CERKL: variants seen among roughly 807,000 people sequenced by gnomAD.
CERKL encodes ceramide kinase-like protein.
In CERKL, 61 loss-of-function variants were observed where a neutral mutation model predicts 63.4. The observed-to-expected ratio is 0.96, with a 90% CI of 0.78 to 1.19. CERKL has a LOEUF of 1.19. Ranked by LOEUF, CERKL falls within the 50% of genes most tolerant of loss-of-function variation. The pLI is 0.00. For missense variants in CERKL, 675 were observed against 655.5 expected (o/e 1.03, Z -0.33); for synonymous variants, 250 against 230.5 (o/e 1.08, Z -0.77).
At chr2:181,562,558 T>C (rs1208959784) in intron 4 of CERKL, among the ~76,000 whole-genome samples, 4 of 152,214 alleles carry the variant, frequency 2.6e-5, no homozygotes, top group Non-Finnish European at 1.5e-5. Flanking sequence ...TCATTTATAG[T>C]GAGTTAATCA....
intron 1 of CERKL, among the ~76,000 whole-genome samples, chr2:181,610,066 A>G (rs1226924050): frequency 1.3e-5 from 2 of 152,194 alleles, no homozygotes; most frequent in African/African-American, 4.8e-5. Context: ...AAAGACCTCA[A>G]AAGTCCTAAA....
chr2:181,633,533 AAG>A (rs1687055051), intron 1 of CERKL, among the ~76,000 whole-genome samples: 1 of 152,200 alleles, frequency 6.6e-6, no homozygotes, highest in Non-Finnish European at 1.5e-5. Context: ...TAAATTTGGA[AAG>A]GTAGTTTTGT....
intron 1 of CERKL, among the ~76,000 whole-genome samples, chr2:181,629,126 T>G (rs1354586497): frequency 6.6e-6 from 1 of 152,212 alleles, no homozygotes; most frequent in Non-Finnish European, 1.5e-5. Context: ...TTCAATATGA[T>G]TCAATAATCC....
At chr2:181,606,102 CAGAA>C (rs1685666733) in intron 1 of CERKL, among the ~76,000 whole-genome samples, 1 of 143,692 alleles carries the variant, frequency 7.0e-6, no homozygotes, top group African/African-American at 2.6e-5. Flanking sequence ...AAGAAAAAGA[CAGAA>C]GGAAAGGAAA....
At chr2:181,582,251 A>G (rs931080405) in intron 2 of CERKL, among the ~76,000 whole-genome samples, 1 of 152,182 alleles carries the variant, frequency 6.6e-6, no homozygotes, top group African/African-American at 2.4e-5. Context: ...ATGCTTTAGC[A>G]GCTCATTTTT....
intron 1 of CERKL, among the ~76,000 whole-genome samples, chr2:181,617,763 T>C (rs960082972): frequency 6.6e-6 from 1 of 152,154 alleles, no homozygotes; most frequent in Non-Finnish European, 1.5e-5. Flanking sequence ...CAAACTACAA[T>C]TAAATAGATA....
At chr2:181,572,404 G>C (rs1273269643) in intron 3 of CERKL, among the ~76,000 whole-genome samples, 1 of 152,136 alleles carries the variant, frequency 6.6e-6, no homozygotes, top group Non-Finnish European at 1.5e-5. Context: ...TGAGATTCCT[G>C]AAGTGAATGC....
chr2:181,648,657 T>C (rs769427614), intron 1 of CERKL, among the ~76,000 whole-genome samples: 1 of 152,148 alleles, frequency 6.6e-6, no homozygotes, highest in Non-Finnish European at 1.5e-5. Context: ...CCCAGTGATA[T>C]CATGTTACTA....
At chr2:181,541,481 T>G (rs908212465) in intron 11 of CERKL, among the ~76,000 whole-genome samples, 2 of 151,878 alleles carry the variant, frequency 1.3e-5, no homozygotes, top group Non-Finnish European at 2.9e-5. Context: ...AGAGGTGGGG[T>G]TGCAACACAG....
At chr2:181,621,220 C>A (rs965273469) in intron 1 of CERKL, among the ~76,000 whole-genome samples, 1 of 152,076 alleles carries the variant, frequency 6.6e-6, no homozygotes, top group Non-Finnish European at 1.5e-5. Flanking sequence ...TTTCCTAAGT[C>A]TCTAAGTTAT....
chr2:181,607,082 A>G (rs995057929), intron 1 of CERKL, among the ~76,000 whole-genome samples: 3 of 152,230 alleles, frequency 2.0e-5, no homozygotes, highest in Non-Finnish European at 4.4e-5. Context: ...AAGCATTTTT[A>G]AAGGACAAAA....
chr2:181,640,298 G>T (rs1687361639), intron 1 of CERKL, among the ~76,000 whole-genome samples: 1 of 152,098 alleles, frequency 6.6e-6, no homozygotes, highest in Admixed American at 6.6e-5. Flanking sequence ...AGTCATGGCT[G>T]AGAGTTCCTT....
In CERKL at chr2:181,537,994, C is replaced by G. The variant is rs548100966; in HGVS notation, c.*190G>C. ...TGTGAGGGATCTAGAGTGCCATGTT[C>G]CTCAAGAGAATCTAATGCCTGATGA... is the stretch of plus-strand genomic sequence containing the variant. On this transcript the variant is annotated 3_prime_UTR_variant, in exon 13 of 13. Coordinates refer to ENST00000410087, the MANE Select transcript of CERKL (RefSeq NM_201548.5). 1.1e-4 allele frequency: 73 copies of G among 677,358 alleles called. No individual in the cohort carries two copies. The African/African-American group carries it at 1.1e-3, about 10-fold the overall frequency. 42.0% of individuals were successfully genotyped at this position (677,358 alleles called of 1,614,324 possible). A position where few individuals can be genotyped will look rare whatever the true frequency, so the allele number is the denominator to read the frequency against.
intron 2 of CERKL, among the ~76,000 whole-genome samples, chr2:181,580,007 G>T (rs972199782): frequency 1.3e-5 from 2 of 151,664 alleles, no homozygotes; most frequent in African/African-American, 4.9e-5. Context: ...CAATAAGACT[G>T]GTCTCTCATT....
chr2:181,565,390 T>C, intron 4 of CERKL: 1 of 1,419,862 alleles, frequency 7.0e-7, no homozygotes, highest in African/African-American at 1.4e-5. Flanking sequence ...GCAAATTGGT[T>C]CACCTAATTT....
chr2:181,568,581 C>T (rs1021177115), intron 3 of CERKL, among the ~76,000 whole-genome samples: 2 of 151,850 alleles, frequency 1.3e-5, no homozygotes, highest in African/African-American at 4.8e-5. Flanking sequence ...TATCTGTAAC[C>T]AGAATATCTA....
At chr2:181,627,423 A>T (rs1686759320) in intron 1 of CERKL, among the ~76,000 whole-genome samples, 1 of 152,242 alleles carries the variant, frequency 6.6e-6, no homozygotes, top group Non-Finnish European at 1.5e-5. Context: ...AGAAGAAAAA[A>T]TTACCAGGAG....
chr2:181,655,713 T>C (rs987431098), intron 1 of CERKL, among the ~76,000 whole-genome samples: 1 of 152,242 alleles, frequency 6.6e-6, no homozygotes, highest in Non-Finnish European at 1.5e-5. Context: ...AATACCACAC[T>C]GTGTCTTGTT....
chr2:181,647,705 A>C, intron 1 of CERKL, among the ~76,000 whole-genome samples: 1 of 152,226 alleles, frequency 6.6e-6, no homozygotes, highest in East Asian at 1.9e-4. Flanking sequence ...AACATGAAAA[A>C]GCAAGGACAC....
Sources: allele counts gnomAD v4.1 joint callset (sites outside exome capture counted in the v4.1 genomes callset), GRCh38; gene constraint gnomAD v4.1.1; transcripts MANE v1.5; gene names NCBI Gene and HGNC (gene_info 2026-07-23, HGNC 2026-07-21).